GFPT1: variants seen among roughly 807,000 people sequenced by gnomAD.
The protein encoded by GFPT1 is glutamine--fructose-6-phosphate aminotransferase [isomerizing] 1.
A neutral mutation model predicts 92.0 loss-of-function variants in GFPT1; 40 were observed. The ratio of observed to expected loss-of-function variants is 0.43; its 90% confidence interval spans 0.34 to 0.57. The LOEUF is 0.57. Ranked by LOEUF, GFPT1 falls within the 20% of genes least tolerant of loss-of-function variation. GFPT1 has a pLI of 0.02. For synonymous variants in GFPT1, 269 were observed against 280.6 expected, an observed-to-expected ratio of 0.96 and a Z score of 0.41; for missense variants, 448 against 869.1, an observed-to-expected ratio of 0.52 and a Z score of 6.09.
intron 1 of GFPT1, among the ~76,000 whole-genome samples, chr2:69,379,252 G>T (rs1671949474): frequency 6.6e-6 from 1 of 152,134 alleles, no homozygotes; most frequent in South Asian, 2.1e-4. Context: ...TACAGGCCAG[G>T]CACAGTAGCA....
At chr2:69,354,427 T>C in intron 8 of GFPT1, 62 bp downstream of exon 8, 2 of 1,303,660 alleles carry the variant, frequency 1.5e-6, no homozygotes, top group Non-Finnish European at 2.2e-6. Context: ...GAGCCATCTA[T>C]TCCAACTTAA....
Position 69,329,732 on chromosome 2 carries a change from T to G in GFPT1, c.1549A>C (p.Met517Leu). 1.9e-6 allele frequency: 3 copies of G among 1,613,624 alleles called. No individual in the cohort carries two copies. The highest frequency in any genetic ancestry group is 2.5e-6 in the Non-Finnish European group (3 of 1,179,544). The change falls in exon 16 of 20, where the codon ATG becomes CTG. Residue 517 changes from methionine (M) to leucine (L), a missense_variant. Physicochemically the swap from Met to Leu is conservative, Grantham distance 15. This residue lies in a region of GFPT1 where 73 missense variants were observed against 103.5 expected (regional missense o/e 0.71). Coordinates refer to ENST00000357308, the MANE Select transcript of GFPT1 (RefSeq NM_001244710.2). The stretch of plus-strand genomic sequence containing the variant: ...ATGATCTCTTTGCGTCTTTCTTGCA[T>G]GGAGATCCGATCATCACACATCATA... ...ALMMCDDRIS[M>L]QERRKEIMLG... is the part of the protein sequence containing the mutation.
chr2:69,323,554 AG>A lies in GFPT1; in HGVS notation c.*2634del, dbSNP rs1670461927. 1 of 152,276 alleles carries A rather than the reference AG, an allele frequency of 6.6e-6. No individual in the cohort carries two copies. The highest frequency in any genetic ancestry group is 2.4e-5 in the African/African-American group (1 of 41,450). 9.4% of individuals were successfully genotyped at this position (152,276 alleles called of 1,614,324 possible). On this transcript the variant is annotated 3_prime_UTR_variant, in exon 20 of 20. Transcript: ENST00000357308. Reference sequence around the variant, plus strand: ...CACTCTGTCACTCAAGCTGAAGCACAGTGGCACAATCACAGCTCACTGCAGC... The same window carrying A: ...CACTCTGTCACTCAAGCTGAAGCACATGGCACAATCACAGCTCACTGCAGC...
At chr2:69,326,367 A>C in intron 19 of GFPT1, 134 bp from the exon 20 acceptor site, 1 of 659,384 alleles carries the variant, frequency 1.5e-6, no homozygotes, top group South Asian at 1.8e-5. Context: ...TTTATTACAG[A>C]CTACAAAGAA....
chr2:69,374,563 T>G (rs1300450514), intron 1 of GFPT1, among the ~76,000 whole-genome samples: 2 of 152,170 alleles, frequency 1.3e-5, no homozygotes. Flanking sequence ...TCTGCCCGCC[T>G]CGGCCTCCCA....
At chr2:69,381,794 TCCTCCTG>T (rs1289945079) in intron 1 of GFPT1, among the ~76,000 whole-genome samples, 2 of 151,168 alleles carry the variant, frequency 1.3e-5, no homozygotes, top group Non-Finnish European at 2.9e-5. Context: ...CGTCAAGCAA[TCCTCCTG>T]CCTCAGCTTC....
At chr2:69,357,539 A>C (rs1671368736) in intron 6 of GFPT1, among the ~76,000 whole-genome samples, 1 of 152,182 alleles carries the variant, frequency 6.6e-6, no homozygotes, top group Non-Finnish European at 1.5e-5. Context: ...TGCCTTGGGG[A>C]AAGGGAAGGA....
At chr2:69,376,279 C>T (rs1038050340) in intron 1 of GFPT1, among the ~76,000 whole-genome samples, 1 of 152,182 alleles carries the variant, frequency 6.6e-6, no homozygotes, top group Non-Finnish European at 1.5e-5. Context: ...GAAGCTAAGG[C>T]AGGCGCATCA....
intron 7 of GFPT1, 68 bp downstream of exon 7, chr2:69,356,428 T>A: frequency 9.4e-7 from 1 of 1,059,644 alleles, no homozygotes; most frequent in Non-Finnish European, 1.5e-6. Flanking sequence ...TCATGTATAG[T>A]CTACGAAGAA....
rs1414050366 is a variant in GFPT1 at position 69,368,069 on chromosome 2, C to T, written c.223+1932G>A. Among the ~76,000 whole-genome samples the T allele has an allele frequency of 2.6e-5, 4 of 151,056 alleles. No homozygotes were observed. The East Asian group carries it at 6.0e-4, about 23-fold the overall frequency. ...TTCAAGACCAGCCTGGCCAACATGG[C>T]AAAACCCCGTCTCTACTAAAAATAC... On this transcript the variant is annotated intron_variant, in intron 3 of 19. Coordinates refer to ENST00000357308, the MANE Select transcript of GFPT1 (RefSeq NM_001244710.2).
chr2:69,363,588 G>A lies in GFPT1; in HGVS notation c.306C>T (p.Pro102=). Residue 102 remains proline, a synonymous_variant, in exon 4 of 20, where the codon CCC becomes CCT. Transcript: ENST00000357308. ...AHTRWATHGE[P]SPVNSHPQRS... ...GCTGGGGGTGGCTATTGACAGGACT[G>A]GGTTCTCCATGTGTTGCCCAACGGG... is the stretch of plus-strand genomic sequence containing the variant. The A allele has an allele frequency of 6.2e-7, 1 of 1,613,672 alleles. No individual in the cohort carries two copies. The highest frequency in any genetic ancestry group is 8.5e-7 in the Non-Finnish European group (1 of 1,179,584).
At position 69,387,215 on chromosome 2, in the gene GFPT1, A is replaced by G. The variant is rs909709544; in HGVS notation, c.-144T>C. ...CCCTCGGGGATGCGACGGCCAAGGC[A>G]ACGACAGCCTTCTCCGCCTCCCGGG... is the stretch of plus-strand genomic sequence containing the variant. On this transcript the variant is annotated 5_prime_UTR_variant, in exon 1 of 20. Coordinates refer to ENST00000357308, the MANE Select transcript of GFPT1 (RefSeq NM_001244710.2). 336 of 875,980 alleles carry G rather than the reference A, an allele frequency of 3.8e-4. No homozygotes were observed. The highest frequency in any genetic ancestry group is 5.2e-4 in the Non-Finnish European group (318 of 607,350). The allele number at this position is 875,980 out of a possible 1,614,324, so 54.3% of individuals were successfully genotyped here.
chr2:69,342,702 CTA>C (rs1670981322), intron 12 of GFPT1, among the ~76,000 whole-genome samples: 1 of 152,116 alleles, frequency 6.6e-6, no homozygotes, highest in Non-Finnish European at 1.5e-5. Context: ...ATGATTATGA[CTA>C]TGTTGTAGAG....
intron 7 of GFPT1, among the ~76,000 whole-genome samples, chr2:69,355,931 G>GT (rs1296232297): frequency 2.0e-5 from 3 of 149,864 alleles, no homozygotes; most frequent in African/African-American, 7.4e-5. Context: ...AGTAACCTTG[G>GT]TGCGCCCAAC....
At chr2:69,357,505 C>G (rs112952609) in intron 6 of GFPT1, among the ~76,000 whole-genome samples, 1 of 152,268 alleles carries the variant, frequency 6.6e-6, no homozygotes, top group African/African-American at 2.4e-5. Context: ...CGAGAAAAGG[C>G]TGGGAAGGCA....
At chr2:69,377,253 A>G (rs1408433987) in intron 1 of GFPT1, among the ~76,000 whole-genome samples, 1 of 150,480 alleles carries the variant, frequency 6.6e-6, no homozygotes, top group East Asian at 1.9e-4. Flanking sequence ...TATTAAATTC[A>G]CTGTTTTTAA....
chr2:69,333,976 T>G (rs1033731357), intron 15 of GFPT1, among the ~76,000 whole-genome samples: 2 of 152,212 alleles, frequency 1.3e-5, no homozygotes, highest in Admixed American at 1.3e-4. Flanking sequence ...GCCAACAAGG[T>G]GACACCCAGT....
rs1670419054 is a variant in GFPT1, at chr2:69,322,298, T to C, written c.*3891A>G. The C allele has an allele frequency of 6.6e-6, 1 of 152,222 alleles. No homozygotes were observed. The highest frequency in any genetic ancestry group is 6.5e-5 in the Admixed American group (1 of 15,288). The allele number at this position is 152,222 out of a possible 1,614,324, so 9.4% of individuals were successfully genotyped here. On this transcript the variant is annotated 3_prime_UTR_variant, in exon 20 of 20. Coordinates refer to ENST00000357308, the MANE Select transcript of GFPT1 (RefSeq NM_001244710.2). Reference sequence around the variant, plus strand: ...TGATCCTTTTCAATAATACTTTCAATGACATTGTGCTTCTTTAGAAAAATC... The same window carrying C: ...TGATCCTTTTCAATAATACTTTCAACGACATTGTGCTTCTTTAGAAAAATC...
At chr2:69,332,238 T>A (rs1670680163) in intron 15 of GFPT1, among the ~76,000 whole-genome samples, 1 of 152,096 alleles carries the variant, frequency 6.6e-6, no homozygotes, top group South Asian at 2.1e-4. Flanking sequence ...CCTCTATTTA[T>A]CACTTTGGCC....
Sources: gnomAD v4.1 joint callset for allele counts (sites outside exome capture counted in the v4.1 genomes callset) on GRCh38, gnomAD v4.1.1 for gene constraint, gnomAD v4.1.1 regional missense constraint, MANE v1.5 for transcripts, NCBI Gene and HGNC (gene_info 2026-07-23, HGNC 2026-07-21) for gene names.